Variants in CWC22 observed in about 807,000 individuals in gnomAD.
CWC22 encodes CWC22 spliceosome associated protein.
A neutral mutation model predicts 117.2 loss-of-function variants in CWC22; 53 were observed. That is an observed-to-expected ratio of 0.45 (90% confidence interval 0.36 to 0.57). The LOEUF is 0.57. Among genes scored for constraint, CWC22 ranks in the 20% least tolerant of loss-of-function variants. The pLI is 0.00. For missense variants in CWC22, 980 were observed against 1,068.8 expected (o/e 0.92, Z 1.16); for synonymous variants, 360 against 355.6 (o/e 1.01, Z -0.14).
intron 4 of CWC22, among the ~76,000 whole-genome samples, chr2:179,982,692 C>A (rs1486163555): frequency 6.6e-6 from 1 of 152,194 alleles, no homozygotes; most frequent in East Asian, 1.9e-4. Flanking sequence ...GCCACAATGT[C>A]TTCCCTACTA....
intron 6 of CWC22, among the ~76,000 whole-genome samples, chr2:179,974,954 G>T (rs577432916): frequency 6.6e-6 from 1 of 152,160 alleles, no homozygotes; most frequent in South Asian, 2.1e-4. Flanking sequence ...TCACAATGTT[G>T]CCCAGGCAAC....
intron 2 of CWC22, among the ~76,000 whole-genome samples, chr2:179,990,983 T>C (rs971082484): frequency 1.3e-5 from 2 of 152,210 alleles, no homozygotes; most frequent in South Asian, 4.1e-4. Flanking sequence ...ATGAATCAAA[T>C]ATTAAGAACC....
chr2:179,962,221 C>T (rs974338394), intron 13 of CWC22, among the ~76,000 whole-genome samples: 1 of 152,098 alleles, frequency 6.6e-6, no homozygotes, highest in Admixed American at 6.5e-5. Context: ...GATAAGACTA[C>T]TGGTGAGATT....
intron 14 of CWC22, among the ~76,000 whole-genome samples, chr2:179,956,217 A>G (rs994618148): frequency 5.9e-5 from 9 of 151,974 alleles, no homozygotes; most frequent in Non-Finnish European, 1.0e-4. Context: ...GACTTAGAGC[A>G]AGAGGTAGGA....
intron 1 of CWC22, among the ~76,000 whole-genome samples, chr2:179,994,243 A>G (rs1351799734): frequency 6.6e-6 from 1 of 152,242 alleles, no homozygotes; most frequent in Non-Finnish European, 1.5e-5. Context: ...AGAAAATAAA[A>G]GGATTAAAAG....
chr2:179,955,071 A>T lies in CWC22; in HGVS notation c.1459-37T>A. The T allele has an allele frequency of 2.2e-6, 3 of 1,343,874 alleles. No individual in the cohort carries two copies. The South Asian group carries it at 3.7e-5, about 17-fold the overall frequency. The allele number at this position is 1,343,874 out of a possible 1,614,324, so 83.2% of individuals were successfully genotyped here. A position where few individuals can be genotyped will look rare whatever the true frequency, so the allele number is the denominator to read the frequency against. ...AAAAAATACATTAATGATTCAAAAC[A>T]CAAAGAGACTAAATATTGTATAATT... On this transcript the variant is annotated intron_variant, in intron 14 of 19. Coordinates refer to ENST00000410053, the MANE Select transcript of CWC22 (RefSeq NM_020943.3).
At chr2:179,972,411 C>T (rs182970106) in intron 8 of CWC22, among the ~76,000 whole-genome samples, 1 of 152,122 alleles carries the variant, frequency 6.6e-6, no homozygotes, top group East Asian at 1.9e-4. Flanking sequence ...GATAAAATTA[C>T]CTGCATTTGA....
chr2:179,955,169 T>C (rs1011477208), intron 14 of CWC22, 135 bp from the exon 15 acceptor site: 1 of 647,726 alleles, frequency 1.5e-6, no homozygotes, highest in Non-Finnish European at 2.6e-6. Context: ...GTAAATAAAA[T>C]AAAAACCTCA....
At chr2:179,997,190 A>G (rs1267939511) in intron 1 of CWC22, among the ~76,000 whole-genome samples, 2 of 122,730 alleles carry the variant, frequency 1.6e-5, no homozygotes, top group African/African-American at 3.1e-5. Context: ...TGTATAGTAT[A>G]TAGAACTAGC....
At chr2:179,970,598 A>C in intron 10 of CWC22, 35 bp from the exon 11 acceptor site, 1 of 1,565,372 alleles carries the variant, frequency 6.4e-7, no homozygotes, top group South Asian at 1.2e-5. Context: ...TTTATTTTCT[A>C]TATTTACATT....
rs1338839891 is a variant in CWC22, at chr2:180,007,060, C to G, written c.-307G>C. ...CTGCCTGCGGGGACTCCACGGAGTT[C>G]GATAATTACCTAGAGCTCCACCGCG... On this transcript the variant is annotated 5_prime_UTR_variant, in exon 1 of 20. Transcript: ENST00000410053. 6.6e-6 allele frequency: 1 copy of G among 152,218 alleles called. No homozygotes were observed. The highest frequency in any genetic ancestry group is 1.5e-5 in the Non-Finnish European group (1 of 68,054). The allele number at this position is 152,218 out of a possible 1,614,324, so 9.4% of individuals were successfully genotyped here.
chr2:179,985,366 A>C (rs567342621), intron 4 of CWC22, among the ~76,000 whole-genome samples: 6 of 152,058 alleles, frequency 3.9e-5, no homozygotes, highest in Admixed American at 1.3e-4. Flanking sequence ...GCAGAATGCT[A>C]GTTAACATCT....
At chr2:180,002,632 G>C (rs1036540620) in intron 1 of CWC22, among the ~76,000 whole-genome samples, 2 of 152,122 alleles carry the variant, frequency 1.3e-5, no homozygotes, top group Admixed American at 1.3e-4. Flanking sequence ...TCTGTCCTTG[G>C]GTAAAGAAGA....
chr2:179,964,488 C>A, intron 13 of CWC22, 59 bp downstream of exon 13: 1 of 859,358 alleles, frequency 1.2e-6, no homozygotes. Context: ...TATCCCTGAT[C>A]TCTTTACCCA....
chr2:179,984,719 G>T (rs1215178765), intron 4 of CWC22, among the ~76,000 whole-genome samples: 1 of 151,998 alleles, frequency 6.6e-6, no homozygotes, highest in Non-Finnish European at 1.5e-5. Flanking sequence ...CAATGACAAA[G>T]GCAGAAAGAT....
intron 19 of CWC22, among the ~76,000 whole-genome samples, chr2:179,946,191 C>CGATTA (rs763856720): frequency 2.0e-5 from 3 of 151,928 alleles, no homozygotes; most frequent in Non-Finnish European, 2.9e-5. Flanking sequence ...TGCCTATAAT[C>CGATTA]CCAGCACTTT....
chr2:179,978,048 T>A (rs761825102), intron 6 of CWC22, 142 bp downstream of exon 6: 17 of 1,076,426 alleles, frequency 1.6e-5, no homozygotes, highest in Non-Finnish European at 2.0e-5. Flanking sequence ...TATATTTTTA[T>A]AAGTCCTGCA....
intron 19 of CWC22, among the ~76,000 whole-genome samples, chr2:179,946,206 A>G (rs1041640664): frequency 6.6e-6 from 1 of 151,982 alleles, no homozygotes; most frequent in Non-Finnish European, 1.5e-5. Flanking sequence ...CACTTTGGGA[A>G]GCAGAGGGGG....
intron 1 of CWC22, among the ~76,000 whole-genome samples, chr2:180,001,330 CT>C (rs1301402204): frequency 5.2e-4 from 75 of 143,712 alleles, no homozygotes; most frequent in South Asian, 1.3e-3. Flanking sequence ...ATTTTTTTTT[CT>C]TTTTTTTTTT....
Sources: allele counts gnomAD v4.1 joint callset (sites outside exome capture counted in the v4.1 genomes callset), GRCh38; gene constraint gnomAD v4.1.1; transcripts MANE v1.5; gene names NCBI Gene and HGNC (gene_info 2026-07-23, HGNC 2026-07-21).